The following ZBTB20 variants were observed in gnomAD, a reference collection of about 807,000 sequenced individuals.
ZBTB20 encodes the protein zinc finger and BTB domain containing 20, also known as zinc finger and BTB domain-containing protein 20.
ZBTB20 carries 9 observed loss-of-function variants against 56.9 expected under a neutral mutation model. The ratio of observed to expected loss-of-function variants is 0.16; its 90% confidence interval spans 0.10 to 0.28. The LOEUF (loss-of-function observed/expected upper bound fraction) is 0.28, where lower values mean the gene tolerates loss of function less well. Among genes scored for constraint, ZBTB20 ranks in the 10% least tolerant of loss-of-function variants. The pLI, the probability that ZBTB20 is intolerant of heterozygous loss-of-function variation, is 1.00. For synonymous variants in ZBTB20, 417 were observed against 420.7 expected (o/e 0.99, Z 0.11); for missense variants, 655 against 1,003.0 (o/e 0.65, Z 4.69).
chr3:115,041,022 G>GT (rs1444237468), intron 2 of ZBTB20, among the ~76,000 whole-genome samples: 3 of 152,140 alleles, frequency 2.0e-5, no homozygotes, highest in Non-Finnish European at 2.9e-5. Flanking sequence ...ATAGACTACT[G>GT]TAAGGGGAAC....
At chr3:114,401,191 G>T (rs1044845983) in intron 7 of ZBTB20, among the ~76,000 whole-genome samples, 2 of 141,978 alleles carry the variant, frequency 1.4e-5, no homozygotes, top group Non-Finnish European at 3.1e-5. Context: ...CAGCACAATT[G>T]AATTTTTTTG....
intron 10 of ZBTB20, among the ~76,000 whole-genome samples, chr3:114,373,544 C>T (rs573173620): frequency 6.6e-6 from 1 of 152,286 alleles, no homozygotes; most frequent in Non-Finnish European, 1.5e-5. Flanking sequence ...CTGCCTTCTA[C>T]TTTACAAATG....
intron 6 of ZBTB20, among the ~76,000 whole-genome samples, chr3:114,638,232 G>A (rs945168421): frequency 6.6e-6 from 1 of 152,012 alleles, no homozygotes; most frequent in Non-Finnish European, 1.5e-5. Flanking sequence ...GAAGGTAAAA[G>A]GCAATCCTTC....
At position 115,055,680 on chromosome 3, in the gene ZBTB20, TAA is replaced by T. The variant is rs1411376905; in HGVS notation, c.-507+15537_-507+15538del. ...AAAAAACACTGTCCCTAGAAGACAGTAAAAGCTCAATGAATGTCATTTTTTAT... is the reference window on the plus strand; with the variant it reads ...AAAAAACACTGTCCCTAGAAGACAGTAAGCTCAATGAATGTCATTTTTTAT... On this transcript the variant is annotated intron_variant, in intron 2 of 11. Coordinates refer to ENST00000675478, the MANE Select transcript of ZBTB20 (RefSeq NM_001348800.3). Among the ~76,000 whole-genome samples, 4 of 152,044 alleles carry T rather than the reference TAA, an allele frequency of 2.6e-5. No individual in the cohort carries two copies. The East Asian group carries it at 7.7e-4, about 29-fold the overall frequency.
chr3:115,041,613 T>A (rs2108392530), intron 2 of ZBTB20, among the ~76,000 whole-genome samples: 2 of 152,272 alleles, frequency 1.3e-5, no homozygotes, highest in South Asian at 4.1e-4. Flanking sequence ...CAAAGAAAAT[T>A]ATGACCAATA....
intron 7 of ZBTB20, among the ~76,000 whole-genome samples, chr3:114,430,886 CACTGCCTCT>C (rs2090070060): frequency 6.6e-6 from 1 of 152,134 alleles, no homozygotes; most frequent in Non-Finnish European, 1.5e-5. Flanking sequence ...TTGGCATTCT[CACTGCCTCT>C]ACTTACCTTG....
chr3:115,127,680 T>C (rs762367425), intron 1 of ZBTB20, among the ~76,000 whole-genome samples: 2 of 152,078 alleles, frequency 1.3e-5, no homozygotes, highest in African/African-American at 2.4e-5. Context: ...TGAGCATCAG[T>C]GATTCAAGAA....
intron 5 of ZBTB20, among the ~76,000 whole-genome samples, chr3:114,760,920 C>T (rs1488515472): frequency 1.3e-5 from 2 of 152,150 alleles, no homozygotes; most frequent in Non-Finnish European, 2.9e-5. Context: ...TGTGGTCACA[C>T]ATCTACTTCT....
chr3:115,004,994 T>C (rs2079404701), intron 2 of ZBTB20, among the ~76,000 whole-genome samples: 1 of 151,602 alleles, frequency 6.6e-6, no homozygotes, highest in Admixed American at 6.6e-5. Context: ...CTAAAAGTTA[T>C]GTGTGTGTAT....
At chr3:114,674,852 A>T (rs1192657574) in intron 6 of ZBTB20, among the ~76,000 whole-genome samples, 2 of 151,874 alleles carry the variant, frequency 1.3e-5, no homozygotes, top group African/African-American at 4.8e-5. Context: ...ATATATACAT[A>T]CATAAACACA....
At chr3:115,086,811 C>A (rs1301949931) in intron 1 of ZBTB20, among the ~76,000 whole-genome samples, 1 of 151,788 alleles carries the variant, frequency 6.6e-6, no homozygotes, top group East Asian at 1.9e-4. Flanking sequence ...AGTTCTGTTG[C>A]ATATTCAGTT....
At position 114,944,223 on chromosome 3, in the gene ZBTB20, T is replaced by C. The variant is rs1186998870; in HGVS notation, c.-456+30143A>G. Among the ~76,000 whole-genome samples the C allele has an allele frequency of 4.8e-5, 7 of 145,552 alleles. 3 individuals carry two copies. Among genetic ancestry groups the C allele is most frequent in the African/African-American group, 2.0e-4 (7 of 35,734 alleles). ...GACATAAAAATGGTCAACAGATATA[T>C]GAAAAAATGCTCAACGTTACTAATC... is the stretch of plus-strand genomic sequence containing the variant. On this transcript the variant is annotated intron_variant, in intron 3 of 11. Coordinates refer to ENST00000675478, the MANE Select transcript of ZBTB20 (RefSeq NM_001348800.3).
At chr3:114,615,185 T>C (rs1003077111) in intron 6 of ZBTB20, among the ~76,000 whole-genome samples, 1 of 152,150 alleles carries the variant, frequency 6.6e-6, no homozygotes, top group African/African-American at 2.4e-5. Context: ...TTTCCTGGAG[T>C]CAATTTTAAA....
At chr3:114,366,675 T>C (rs1042441099) in intron 10 of ZBTB20, 17 of 152,350 alleles carry the variant, frequency 1.1e-4, no homozygotes, top group African/African-American at 3.1e-4. Context: ...TCCATACCCA[T>C]GTGTCTCTGG....
chr3:115,076,316 AC>A (rs1049823382), intron 1 of ZBTB20, among the ~76,000 whole-genome samples: 1 of 152,190 alleles, frequency 6.6e-6, no homozygotes, highest in Non-Finnish European at 1.5e-5. Context: ...ATATTACAAA[AC>A]AAAAATAATC....
At chr3:115,052,337 A>T (rs568561509) in intron 2 of ZBTB20, among the ~76,000 whole-genome samples, 2 of 151,990 alleles carry the variant, frequency 1.3e-5, no homozygotes, top group Admixed American at 1.3e-4. Context: ...CATGCCTGTA[A>T]TCCCAGCTAC....
chr3:114,800,693 G>A (rs2071641834), intron 5 of ZBTB20, among the ~76,000 whole-genome samples: 1 of 151,266 alleles, frequency 6.6e-6, no homozygotes, highest in African/African-American at 2.4e-5. Context: ...ACATCACAAA[G>A]GAAAATGAAA....
chr3:115,100,068 T>C (rs1368154888), intron 1 of ZBTB20: 1 of 151,690 alleles, frequency 6.6e-6, no homozygotes, highest in Admixed American at 6.6e-5. Context: ...ATCTGGAAAT[T>C]AAAATTCAAG....
chr3:114,811,713 C>G (rs192367747), intron 4 of ZBTB20, among the ~76,000 whole-genome samples: 1 of 152,264 alleles, frequency 6.6e-6, no homozygotes, highest in African/African-American at 2.4e-5. Context: ...TCTAGGAACC[C>G]GTAATAGTAA....
Sources: gnomAD v4.1 joint callset for allele counts (sites outside exome capture counted in the v4.1 genomes callset) on GRCh38, gnomAD v4.1.1 for gene constraint, MANE v1.5 for transcripts, NCBI Gene and HGNC (gene_info 2026-07-23, HGNC 2026-07-21) for gene names.